PASK: variants seen among roughly 807,000 people sequenced by gnomAD.
PASK encodes the protein PAS domain containing serine/threonine kinase.
Under a neutral mutation model 121.0 loss-of-function variants are expected in PASK, and 110 were observed. The observed-to-expected ratio is 0.91, with a 90% CI of 0.78 to 1.06. The LOEUF (loss-of-function observed/expected upper bound fraction) is 1.06. PASK is among the 50% of genes least tolerant of loss of function. PASK has a pLI of 0.00. For synonymous variants in PASK, 686 were observed against 717.8 expected, an observed-to-expected ratio of 0.96 and a Z score of 0.71; for missense variants, 1,643 against 1,702.3, an observed-to-expected ratio of 0.97 and a Z score of 0.61.
intron 9 of PASK, among the ~76,000 whole-genome samples, chr2:241,131,417 G>A (rs111479226): frequency 0.014 from 2,093 of 152,082 alleles, 22 homozygotes; most frequent in African/African-American, 0.035. Flanking sequence ...CAAAGTGCTG[G>A]GATTATAGGC....
In PASK at chr2:241,126,970, C is replaced by T; in HGVS notation, c.1945G>A (p.Gly649Arg). 6.2e-7 allele frequency: 1 copy of T among 1,614,250 alleles called. No individual in the cohort carries two copies. Among genetic ancestry groups the T allele is most frequent in the South Asian group, 1.1e-5 (1 of 91,088 alleles). Residue 649 changes from glycine (G) to arginine (R), a missense_variant, in exon 10 of 18, where the codon GGA (glycine) becomes AGA (arginine). Physicochemically the swap from Gly to Arg is moderately radical, Grantham distance 125. This residue lies in a region of PASK where 1,176 missense variants were observed against 1,162.2 expected (regional missense o/e 1.01). Transcript: ENST00000234040. ...GTPTLDEPWL[G>R]VENDREELQT... ...AGCTCTTCTCGGTCGTTTTCCACTCCCAGCCACGGCTCATCTAGAGTAGGT... is the reference window on the plus strand; with the variant it reads ...AGCTCTTCTCGGTCGTTTTCCACTCTCAGCCACGGCTCATCTAGAGTAGGT...
chr2:241,116,409 G>A (rs1284992509), intron 12 of PASK, among the ~76,000 whole-genome samples: 1 of 152,250 alleles, frequency 6.6e-6, no homozygotes, highest in Non-Finnish European at 1.5e-5. Flanking sequence ...GGAGCTGAGG[G>A]AGCCATAACC....
intron 8 of PASK, chr2:241,133,358 T>C (rs921059857): frequency 2.5e-6 from 1 of 401,750 alleles, no homozygotes; most frequent in African/African-American, 2.1e-5. Flanking sequence ...CCCAACTCTG[T>C]GGCCTCACTC....
chr2:241,133,263 G>A (rs2066252397), intron 8 of PASK: 2 of 589,344 alleles, frequency 3.4e-6, no homozygotes, highest in Non-Finnish European at 6.2e-6. Context: ...TAACACCCAA[G>A]TCAGAGCACG....
Position 241,143,062 on chromosome 2 carries a change from C to A in PASK, c.-30G>T. 6.6e-7 allele frequency: 1 copy of A among 1,522,778 alleles called. No individual in the cohort carries two copies. The highest frequency in any genetic ancestry group is 9.1e-7 in the Non-Finnish European group (1 of 1,097,404). 94.3% of individuals were successfully genotyped at this position (1,522,778 alleles called of 1,614,324 possible). ...AGAAGGGAGGCCAACTGCCAAGCTT[C>A]CAACTCTAACAACTAGAAAACAACA... On this transcript the variant is annotated 5_prime_UTR_variant, in exon 2 of 18. Transcript: ENST00000234040.
intron 1 of PASK, among the ~76,000 whole-genome samples, chr2:241,144,081 G>C (rs2066835374): frequency 6.6e-6 from 1 of 151,722 alleles, no homozygotes; most frequent in South Asian, 2.1e-4. Flanking sequence ...TTTACCTGCA[G>C]GTGTGTGTGT....
At position 241,127,033 on chromosome 2, in the gene PASK, G is replaced by T; in HGVS notation, c.1882C>A (p.Pro628Thr). The T allele has an allele frequency of 6.2e-7, 1 of 1,614,174 alleles. No homozygotes were observed. The highest frequency in any genetic ancestry group is 8.5e-7 in the Non-Finnish European group (1 of 1,180,044). ...GLWWRSQDLA[P>T]SPSGMAGLSF... ...AGGCCTGCCATCCCAGAGGGGCTGG[G>T]GGCCAAGTCCTGGCTTCGCCACCAC... The change falls in exon 10 of 18, where the codon CCC (proline) becomes ACC (threonine). Residue 628 changes from proline to threonine, a missense_variant. This residue lies in a region of PASK where 1,176 missense variants were observed against 1,162.2 expected (regional missense o/e 1.01). Transcript: ENST00000234040.
At chr2:241,116,927 C>T (rs767642256) in intron 12 of PASK, among the ~76,000 whole-genome samples, 3 of 152,130 alleles carry the variant, frequency 2.0e-5, no homozygotes, top group African/African-American at 7.2e-5. Context: ...GGAAGTGCCG[C>T]GGGGGTGCAG....
At chr2:241,134,206 C>G (rs2066300419) in intron 8 of PASK, 1 of 152,160 alleles carries the variant, frequency 6.6e-6, no homozygotes, top group Admixed American at 6.5e-5. Context: ...ATCCCCTCCC[C>G]CCACCACCAA....
In PASK at chr2:241,127,365, T is replaced by A. The variant is rs1378260839; in HGVS notation, c.1550A>T (p.Glu517Val). Residue 517 changes from glutamate to valine, a missense_variant, in exon 10 of 18, where the codon GAG becomes GTG. Around this residue, in one of 3 missense-constraint regions of PASK, gnomAD observed 1,176 missense variants for 1,162.2 expected, o/e 1.01. Coordinates refer to ENST00000234040, the MANE Select transcript of PASK (RefSeq NM_015148.4). The stretch of plus-strand genomic sequence containing the variant: ...GGGGCTCTCTATTGCCACAGGTTCC[T>A]CTCTCCCCAAGGCAGTGATTTGCTG... The part of the protein sequence containing the change: ...KDQQITALGR[E>V]EPVAIESPGQ... The A allele has an allele frequency of 1.9e-6, 3 of 1,613,984 alleles. No homozygotes were observed. The African/African-American group carries it at 4.0e-5, about 22-fold the overall frequency.
intron 9 of PASK, 86 bp from the exon 10 acceptor site, chr2:241,127,537 G>T: frequency 1.8e-6 from 2 of 1,132,240 alleles, no homozygotes; most frequent in Non-Finnish European, 1.3e-6. Context: ...TTAGAACTAA[G>T]TACAAAGCAT....
intron 1 of PASK, among the ~76,000 whole-genome samples, chr2:241,144,105 TGTGTGTCCGTGC>T (rs1289268068): frequency 6.6e-6 from 1 of 151,762 alleles, no homozygotes; most frequent in Non-Finnish European, 1.5e-5. Context: ...TGGGTGTGCG[TGTGTGTCCGTGC>T]GTGTGTGTGC....
intron 10 of PASK, among the ~76,000 whole-genome samples, chr2:241,124,929 G>C (rs1436483658): frequency 3.3e-5 from 5 of 151,196 alleles, no homozygotes; most frequent in Non-Finnish European, 7.4e-5. Context: ...CACTTTGGGA[G>C]GCCGAGGCGG....
At position 241,140,699 on chromosome 2, in the gene PASK, G is replaced by C. The variant is rs2066662492; in HGVS notation, c.251C>G (p.Thr84Arg). ...GGCAGCAGGGCAGTGCAGTTTACTT[G>C]TACAAATATTCTGGGCAGCCAGTGA... The part of the protein sequence containing the change: ...LSSLAAQNIC[T>R]SKLHCPAAPE... The change falls in exon 3 of 18, where the codon ACA becomes AGA. Residue 84 changes from threonine to arginine, a missense_variant. Physicochemically the swap from Thr to Arg is moderately conservative, Grantham distance 71. Coordinates refer to ENST00000234040, the MANE Select transcript of PASK (RefSeq NM_015148.4). 3 of 1,614,108 alleles carry C rather than the reference G, an allele frequency of 1.9e-6. No homozygotes were observed. The East Asian group carries it at 6.7e-5, about 36-fold the overall frequency.
At chr2:241,110,006 C>T (rs565031559) in intron 15 of PASK, among the ~76,000 whole-genome samples, 6 of 152,294 alleles carry the variant, frequency 3.9e-5, no homozygotes, top group Admixed American at 6.5e-5. Context: ...TTTGCACACA[C>T]GTTTGTAGCA....
intron 7 of PASK, among the ~76,000 whole-genome samples, chr2:241,136,316 T>C (rs1226262727): frequency 6.6e-6 from 1 of 152,266 alleles, no homozygotes; most frequent in Non-Finnish European, 1.5e-5. Context: ...CATCTGGCCT[T>C]TGGCCCCATG....
intron 6 of PASK, among the ~76,000 whole-genome samples, 165 bp downstream of exon 6, chr2:241,137,788 T>G (rs544498175): frequency 6.6e-6 from 1 of 152,318 alleles, no homozygotes; most frequent in South Asian, 2.1e-4. Flanking sequence ...CCACATAGGC[T>G]CCGGCCCTTG....
chr2:241,143,095 G>T, intron 1 of PASK, 21 bp from the exon 2 acceptor site: 1 of 1,192,852 alleles, frequency 8.4e-7, no homozygotes, highest in Non-Finnish European at 1.3e-6. Context: ...ACATGAAGCT[G>T]ATTAACATCT....
chr2:241,119,183 T>C (rs2065495664), intron 12 of PASK, among the ~76,000 whole-genome samples: 1 of 152,232 alleles, frequency 6.6e-6, no homozygotes, highest in Non-Finnish European at 1.5e-5. Flanking sequence ...TGATACACAT[T>C]GTATCTCTGT....
Sources: gnomAD v4.1 joint callset for allele counts (sites outside exome capture counted in the v4.1 genomes callset) on GRCh38, gnomAD v4.1.1 for gene constraint, gnomAD v4.1.1 regional missense constraint, MANE v1.5 for transcripts, NCBI Gene and HGNC (gene_info 2026-07-23, HGNC 2026-07-21) for gene names.